Variants in AFF1 observed in about 807,000 individuals in gnomAD.
AFF1 encodes the protein AF4/FMR2 family member 1.
A neutral mutation model predicts 121.7 loss-of-function variants in AFF1; 48 were observed. The observed-to-expected ratio is 0.39, with a 90% CI of 0.31 to 0.50. AFF1 has a LOEUF of 0.50. AFF1 is among the 20% of genes least tolerant of loss of function. AFF1 has a pLI of 0.76. For missense variants in AFF1, 1,523 were observed against 1,511.7 expected, an observed-to-expected ratio of 1.01 and a Z score of -0.12; for synonymous variants, 613 against 563.0, an observed-to-expected ratio of 1.09 and a Z score of -1.26.
chr4:87,116,801 T>A (rs1341022567), intron 12 of AFF1, among the ~76,000 whole-genome samples: 2 of 152,138 alleles, frequency 1.3e-5, no homozygotes, highest in African/African-American at 4.8e-5. Context: ...GCCAGAAACT[T>A]CTTTAAACTT....
At chr4:86,966,405 C>G (rs1213581307) in intron 2 of AFF1, among the ~76,000 whole-genome samples, 1 of 152,090 alleles carries the variant, frequency 6.6e-6, no homozygotes, top group African/African-American at 2.4e-5. Flanking sequence ...CCTCAAATCT[C>G]TATCTCTGAC....
At position 86,949,842 on chromosome 4, in the gene AFF1, C is replaced by T. The variant is rs1156293469; in HGVS notation, c.38+1271C>T. 28 of 1,613,846 alleles carry T rather than the reference C, an allele frequency of 1.7e-5. No individual in the cohort carries two copies. The East Asian group carries it at 3.6e-4, about 21-fold the overall frequency. ...GCGAAACCGATCCAGGACCCCACCT[C>T]GTAGGTGTAGTTGGGGCAGGACACC... On this transcript the variant is annotated intron_variant, in intron 2 of 20. Transcript: ENST00000395146.
intron 4 of AFF1, 85 bp downstream of exon 4, chr4:87,047,679 G>T (rs1730854155): frequency 3.8e-6 from 6 of 1,571,546 alleles, no homozygotes; most frequent in Admixed American, 3.3e-5. Flanking sequence ...GGCAAGGTGG[G>T]GAGGTTAGTC....
chr4:87,092,509 C>T (rs897629995), intron 7 of AFF1, among the ~76,000 whole-genome samples: 1 of 151,898 alleles, frequency 6.6e-6, no homozygotes, highest in Non-Finnish European at 1.5e-5. Context: ...TTTGTCTAGC[C>T]CCACTATATT....
intron 2 of AFF1, among the ~76,000 whole-genome samples, chr4:87,024,543 C>A (rs1453797868): frequency 6.6e-6 from 1 of 152,070 alleles, no homozygotes; most frequent in Non-Finnish European, 1.5e-5. Flanking sequence ...GTGGATGGAA[C>A]CTTTTTGTAT....
At chr4:87,125,403 T>C (rs1165617443) in intron 13 of AFF1, 2 of 284,874 alleles carry the variant, frequency 7.0e-6, no homozygotes, top group Non-Finnish European at 1.3e-5. Flanking sequence ...GATTTTTTTT[T>C]TCCCTGAGGG....
At chr4:87,004,360 TTAC>T (rs1351768627) in intron 2 of AFF1, among the ~76,000 whole-genome samples, 1 of 152,206 alleles carries the variant, frequency 6.6e-6, no homozygotes. Context: ...TAGATATTAT[TTAC>T]TACATTAAAA....
chr4:87,050,235 G>A (rs1301851707), intron 4 of AFF1, among the ~76,000 whole-genome samples: 1 of 145,554 alleles, frequency 6.9e-6, no homozygotes, highest in Non-Finnish European at 1.5e-5. Flanking sequence ...TGGGAGAAGG[G>A]GGTGTGGGAG....
At chr4:87,017,623 G>A (rs115264320) in intron 2 of AFF1, among the ~76,000 whole-genome samples, 2,052 of 152,126 alleles carry the variant, frequency 0.013, 55 homozygotes, top group African/African-American at 0.047. Flanking sequence ...TTGCAAAATG[G>A]CCCTATAAAT....
intron 2 of AFF1, among the ~76,000 whole-genome samples, chr4:87,034,151 G>C (rs1320776304): frequency 1.3e-5 from 2 of 152,222 alleles, no homozygotes; most frequent in African/African-American, 2.4e-5. Context: ...TTAGTGGAGA[G>C]AGAGCGAGTC....
chr4:87,052,174 G>A (rs1184638080), intron 4 of AFF1, among the ~76,000 whole-genome samples: 1 of 152,166 alleles, frequency 6.6e-6, no homozygotes, highest in South Asian at 2.1e-4. Context: ...TTGGGAGGCC[G>A]AGGTGGGAGG....
intron 2 of AFF1, among the ~76,000 whole-genome samples, chr4:87,011,929 A>G (rs1726806131): frequency 6.6e-6 from 1 of 152,226 alleles, no homozygotes; most frequent in Non-Finnish European, 1.5e-5. Flanking sequence ...TTTATACCAT[A>G]CCGTGAAAAG....
At position 87,113,770 on chromosome 4, in the gene AFF1, G is replaced by A. The variant is rs548992339; in HGVS notation, c.1534-597G>A. Among the ~76,000 whole-genome samples, 3 of 152,284 alleles carry A rather than the reference G, an allele frequency of 2.0e-5. No individual in the cohort carries two copies. The South Asian group carries it at 6.2e-4, about 32-fold the overall frequency. On this transcript the variant is annotated intron_variant, in intron 11 of 20. Coordinates refer to ENST00000395146, the MANE Select transcript of AFF1 (RefSeq NM_001166693.3). Reference sequence around the variant, plus strand: ...TATTCTAGTGCTTTGGAAGACTGAGGCAGGAGGATCACTTGAGGCCAGGAG... The same window carrying A: ...TATTCTAGTGCTTTGGAAGACTGAGACAGGAGGATCACTTGAGGCCAGGAG...
chr4:87,022,184 G>A (rs890449288), intron 2 of AFF1, among the ~76,000 whole-genome samples: 2 of 137,508 alleles, frequency 1.5e-5, no homozygotes, highest in African/African-American at 2.8e-5. Context: ...TGGCCTGGGC[G>A]TGACACAGCG....
rs1729464945 is a variant in AFF1 at position 87,138,408 on chromosome 4, T to C, written c.*2707T>C. The C allele has an allele frequency of 4.3e-6, 1 of 232,478 alleles. No individual in the cohort carries two copies. The highest frequency in any genetic ancestry group is 6.1e-5 in the East Asian group (1 of 16,434). 14.4% of individuals were successfully genotyped at this position (232,478 alleles called of 1,614,324 possible). ...GTATGGAAAGTTCTTATAACAATAA[T>C]AGTACACACTTCAGAGTAAGACAAA... On this transcript the variant is annotated 3_prime_UTR_variant, in exon 21 of 21. Coordinates refer to ENST00000395146, the MANE Select transcript of AFF1 (RefSeq NM_001166693.3).
intron 4 of AFF1, among the ~76,000 whole-genome samples, chr4:87,049,180 A>G (rs1731028736): frequency 6.6e-6 from 1 of 152,092 alleles, no homozygotes; most frequent in Admixed American, 6.6e-5. Flanking sequence ...CAAATTAGCA[A>G]ATATTTGCAT....
rs58068934 is a variant in AFF1, at chr4:87,084,550, CAATAAATAAATAAATAAATAAATAAATA to C, written c.1104+413_1104+440del. Among the ~76,000 whole-genome samples, 9 of 136,956 alleles carry C rather than the reference CAATAAATAAATAAATAAATAAATAAATA, an allele frequency of 6.6e-5. No individual in the cohort carries two copies. In the East Asian group the frequency reaches 8.5e-4, roughly 13 times the overall value. 89.8% of individuals were successfully genotyped at this position (136,956 alleles called of 152,430 possible). On this transcript the variant is annotated intron_variant, in intron 5 of 20. Transcript: ENST00000395146. ...GGCAACAGAGTTGAAACTATGTCTC[CAATAAATAAATAAATAAATAAATAAATA>C]AATAAATAAATAAATAAATAAATAA...
At chr4:86,954,302 A>G (rs1721586032) in intron 2 of AFF1, among the ~76,000 whole-genome samples, 1 of 152,220 alleles carries the variant, frequency 6.6e-6, no homozygotes, top group African/African-American at 2.4e-5. Context: ...CTAAAAGCTT[A>G]ACTACTAATT....
In AFF1 at chr4:87,138,498, TG is replaced by T. The variant is rs1729474530; in HGVS notation, c.*2798del. ...TGCCTTTGGCACTACAAGGTGTGTGTGTGTGTGTGTGTGTGTGTGTGTGTCT... is the reference window on the plus strand; with the variant it reads ...TGCCTTTGGCACTACAAGGTGTGTGTTGTGTGTGTGTGTGTGTGTGTGTCT... On this transcript the variant is annotated 3_prime_UTR_variant, in exon 21 of 21. Transcript: ENST00000395146. The T allele has an allele frequency of 3.6e-5, 3 of 84,272 alleles. No individual in the cohort carries two copies. In the South Asian group the frequency reaches 1.5e-3, roughly 42 times the overall value. 5.2% of individuals were successfully genotyped at this position (84,272 alleles called of 1,614,324 possible).
Sources: allele counts gnomAD v4.1 joint callset (sites outside exome capture counted in the v4.1 genomes callset), GRCh38; gene constraint gnomAD v4.1.1; transcripts MANE v1.5; gene names NCBI Gene and HGNC (gene_info 2026-07-23, HGNC 2026-07-21).